The following PGM1 variants were observed in gnomAD, a reference collection of about 807,000 sequenced individuals.
PGM1 encodes phosphoglucomutase 1.
Under a neutral mutation model 55.6 loss-of-function variants are expected in PGM1, and 52 were observed. The ratio of observed to expected loss-of-function variants is 0.94; its 90% CI spans 0.75 to 1.18. PGM1 has a LOEUF of 1.18. Among genes scored for constraint, PGM1 ranks in the 50% most tolerant of loss-of-function variants. PGM1 has a pLI of 0.00. For missense variants in PGM1, 724 were observed against 729.3 expected, an observed-to-expected ratio of 0.99 and a Z score of 0.08; for synonymous variants, 287 against 271.7, an observed-to-expected ratio of 1.06 and a Z score of -0.55.
At chr1:63,657,171 G>C (rs1241536700) in intron 10 of PGM1, among the ~76,000 whole-genome samples, 4 of 151,998 alleles carry the variant, frequency 2.6e-5, no homozygotes, top group African/African-American at 4.8e-5. Flanking sequence ...TTCCACAAAG[G>C]CTTTTTTCTT....
chr1:63,645,382 G>GA (rs984222580), intron 7 of PGM1, among the ~76,000 whole-genome samples: 6 of 150,236 alleles, frequency 4.0e-5, no homozygotes, highest in East Asian at 1.9e-4. Context: ...AGAGAAAAAA[G>GA]AAAAAAAAAT....
rs1280037054 is a variant in PGM1 at position 63,593,704 on chromosome 1, G to A, written c.216G>A (p.Gln72=). Residue 72 remains glutamine, a synonymous_variant, in exon 1 of 11, where the codon CAG becomes CAA. Transcript: ENST00000371084. ...GGTTCTACATGAAGGAGGCCATCCAGCTCATCGCTCGCATCGCTGCCGCCA... is the reference window on the plus strand; with the variant it reads ...GGTTCTACATGAAGGAGGCCATCCAACTCATCGCTCGCATCGCTGCCGCCA... The part of the protein sequence containing the change: ...DGRFYMKEAI[Q]LIARIAAANG... 3.1e-6 allele frequency: 5 copies of A among 1,601,412 alleles called. No individual in the cohort carries two copies. Among genetic ancestry groups the A allele is most frequent in the Non-Finnish European group, 4.3e-6 (5 of 1,176,080 alleles).
chr1:63,641,154 G>A (rs561589204), intron 7 of PGM1, among the ~76,000 whole-genome samples: 5 of 152,246 alleles, frequency 3.3e-5, no homozygotes, highest in African/African-American at 1.2e-4. Flanking sequence ...TATTGTTAAA[G>A]TTTGTTCTCA....
intron 1 of PGM1, among the ~76,000 whole-genome samples, chr1:63,618,202 G>T (rs902050219): frequency 2.0e-5 from 3 of 152,206 alleles, no homozygotes; most frequent in African/African-American, 7.2e-5. Flanking sequence ...CATATTACTA[G>T]TAACTGGTAG....
intron 10 of PGM1, among the ~76,000 whole-genome samples, chr1:63,658,230 G>A (rs1650017043): frequency 6.6e-6 from 1 of 152,154 alleles, no homozygotes; most frequent in Non-Finnish European, 1.5e-5. Context: ...GTAGCATTCA[G>A]CAGTAGAAAA....
intron 1 of PGM1, among the ~76,000 whole-genome samples, chr1:63,611,674 G>A (rs966500649): frequency 1.3e-5 from 2 of 152,138 alleles, no homozygotes; most frequent in African/African-American, 2.4e-5. Context: ...GGAGGCCAAG[G>A]CAGGCAGATC....
chr1:63,634,900 G>C lies in PGM1; in HGVS notation c.754G>C (p.Val252Leu), dbSNP rs139155697. 1 of 1,613,838 alleles carries C rather than the reference G, an allele frequency of 6.2e-7. No homozygotes were observed. The highest frequency in any genetic ancestry group is 1.3e-5 in the African/African-American group (1 of 75,000). The change falls in exon 5 of 11, where the codon GTT becomes CTT. Residue 252 changes from valine to leucine, a missense_variant. By Grantham distance (32) the Val-to-Leu change is conservative. Around this residue, in one of 3 missense-constraint regions of PGM1, gnomAD observed 379 missense variants for 357.5 expected, o/e 1.06. Transcript: ENST00000371084. ...GAPANSAVNC[V>L]PLEDFGGHHP... is the part of the protein sequence containing the mutation. ...CCCTGCGAACTCGGCAGTTAACTGC[G>C]TTCCTCTGGAGGACTTTGGAGGCCA...
chr1:63,624,561 G>C lies in PGM1; in HGVS notation c.247-4864G>C, dbSNP rs1016810619. ...TGGGCATCAGGACATTGATGTTTTT[G>C]CTCTGCAAATTCCTCAGTGGGACCA... On this transcript the variant is annotated intron_variant, in intron 1 of 10. Coordinates refer to ENST00000371084, the MANE Select transcript of PGM1 (RefSeq NM_002633.3). Among the ~76,000 whole-genome samples, 11 of 152,296 alleles carry C rather than the reference G, an allele frequency of 7.2e-5. No homozygotes were observed. In the East Asian group the frequency reaches 2.1e-3, roughly 29 times the overall value.
chr1:63,649,272 C>T (rs941961920), intron 8 of PGM1, among the ~76,000 whole-genome samples: 13 of 152,280 alleles, frequency 8.5e-5, no homozygotes, highest in African/African-American at 2.6e-4. Context: ...CGATTTCCAT[C>T]GGGTACTTGG....
At chr1:63,658,212 A>G (rs1650016560) in intron 10 of PGM1, among the ~76,000 whole-genome samples, 1 of 152,224 alleles carries the variant, frequency 6.6e-6, no homozygotes, top group South Asian at 2.1e-4. Context: ...AGATTTAGAT[A>G]AGAAAAAGTA....
At chr1:63,618,140 T>C (rs1266178199) in intron 1 of PGM1, among the ~76,000 whole-genome samples, 1 of 152,210 alleles carries the variant, frequency 6.6e-6, no homozygotes, top group East Asian at 1.9e-4. Context: ...TATCTCCATC[T>C]TGACAGATGA....
chr1:63,629,460 C>G lies in PGM1; in HGVS notation c.282C>G (p.Leu94=), dbSNP rs1190025444. 1 of 1,613,710 alleles carries G rather than the reference C, an allele frequency of 6.2e-7. No homozygotes were observed. Among genetic ancestry groups the G allele is most frequent in the Admixed American group, 1.7e-5 (1 of 60,006 alleles). ...TGGTTATCGGACAGAATGGAATCCT[C>G]TCCACCCCTGCTGTATCCTGCATCA... ...GRLVIGQNGI[L]STPAVSCIIR... The change falls in exon 2 of 11, where the codon CTC becomes CTG. Residue 94 remains leucine (L), a synonymous_variant. Transcript: ENST00000371084.
intron 7 of PGM1, among the ~76,000 whole-genome samples, chr1:63,647,577 A>G (rs1306310112): frequency 6.6e-6 from 1 of 151,482 alleles, no homozygotes; most frequent in East Asian, 1.9e-4. Context: ...TTCAGGTTTT[A>G]CATTCGAATT....
At chr1:63,611,614 C>G (rs892119633) in intron 1 of PGM1, among the ~76,000 whole-genome samples, 5 of 152,112 alleles carry the variant, frequency 3.3e-5, no homozygotes, top group Non-Finnish European at 2.9e-5. Flanking sequence ...ACCTAAAAAG[C>G]TATCTGTAGG....
rs1650075995 is a variant in PGM1 at position 63,660,000 on chromosome 1, G to A, written c.*325G>A. On this transcript the variant is annotated 3_prime_UTR_variant, in exon 11 of 11. Coordinates refer to ENST00000371084, the MANE Select transcript of PGM1 (RefSeq NM_002633.3). ...GCTATAGGTGGAGCATCAGCAGTGA[G>A]TGAGGCCATTCTTCATCCTTAGGAT... 2.3e-6 allele frequency: 1 copy of A among 435,776 alleles called. No individual in the cohort carries two copies. Among genetic ancestry groups the A allele is most frequent in the African/African-American group, 2.0e-5 (1 of 50,614 alleles). The allele number at this position is 435,776 out of a possible 1,614,324, so 27.0% of individuals were successfully genotyped here.
chr1:63,615,147 C>G (rs965611734), intron 1 of PGM1, among the ~76,000 whole-genome samples: 1 of 152,156 alleles, frequency 6.6e-6, no homozygotes, highest in Admixed American at 6.5e-5. Flanking sequence ...ACAGATAAAC[C>G]CATTGCATCT....
intron 7 of PGM1, among the ~76,000 whole-genome samples, chr1:63,644,994 C>T (rs763199561): frequency 2.0e-5 from 3 of 152,168 alleles, no homozygotes; most frequent in Admixed American, 6.5e-5. Flanking sequence ...CGTACCTGCA[C>T]CATTGGTATT....
At chr1:63,633,141 G>T (rs1241269936) in intron 4 of PGM1, among the ~76,000 whole-genome samples, 3 of 152,172 alleles carry the variant, frequency 2.0e-5, no homozygotes, top group Non-Finnish European at 4.4e-5. Context: ...TATAAAGAAA[G>T]GTTTCCTGGA....
At chr1:63,614,998 A>G (rs1054083033) in intron 1 of PGM1, among the ~76,000 whole-genome samples, 13 of 152,242 alleles carry the variant, frequency 8.5e-5, no homozygotes, top group Non-Finnish European at 1.8e-4. Flanking sequence ...CAAAGCAAGG[A>G]TTCAGGCTCA....
Sources: allele counts gnomAD v4.1 joint callset (sites outside exome capture counted in the v4.1 genomes callset), GRCh38; gene constraint gnomAD v4.1.1; regional missense constraint gnomAD v4.1.1; transcripts MANE v1.5; gene names NCBI Gene and HGNC (gene_info 2026-07-23, HGNC 2026-07-21).